The following NEK11 variants were observed in gnomAD, a reference collection of about 807,000 sequenced individuals.
The protein encoded by NEK11 is serine/threonine-protein kinase Nek11.
A neutral mutation model predicts 80.7 loss-of-function variants in NEK11; 72 were observed. That is an observed-to-expected ratio of 0.89 (90% CI 0.74 to 1.08). NEK11 has a LOEUF of 1.08. Among genes scored for constraint, NEK11 ranks in the 50% least tolerant of loss-of-function variants. The probability of loss-of-function intolerance (pLI) is 0.00; values close to 1 mark genes in which losing one functional copy is unlikely to be tolerated. For missense variants in NEK11, 764 were observed against 763.6 expected (o/e 1.00, Z -0.01); for synonymous variants, 251 against 260.7 (o/e 0.96, Z 0.36).
At chr3:131,056,393 T>C (rs1219567594) in intron 3 of NEK11, among the ~76,000 whole-genome samples, 1 of 152,148 alleles carries the variant, frequency 6.6e-6, no homozygotes, top group Non-Finnish European at 1.5e-5. Flanking sequence ...ATTTTATTCC[T>C]CTAGCAAGGG....
intron 7 of NEK11, among the ~76,000 whole-genome samples, chr3:131,152,020 T>TA (rs1375040507): frequency 6.6e-6 from 1 of 152,148 alleles, no homozygotes; most frequent in African/African-American, 2.4e-5. Flanking sequence ...CAAACTGCCT[T>TA]AGGAAGATAA....
At chr3:131,316,399 A>G (rs1357009784) in intron 17 of NEK11, among the ~76,000 whole-genome samples, 1 of 152,174 alleles carries the variant, frequency 6.6e-6, no homozygotes, top group African/African-American at 2.4e-5. Flanking sequence ...ACACAGTTTT[A>G]CTCACATTGA....
At chr3:131,160,634 C>A (rs529631900) in intron 10 of NEK11, among the ~76,000 whole-genome samples, 1 of 152,262 alleles carries the variant, frequency 6.6e-6, no homozygotes, top group East Asian at 1.9e-4. Flanking sequence ...GGCACAGTGT[C>A]GAGTTGGATA....
At chr3:131,296,525 T>G (rs1222436390) in intron 17 of NEK11, among the ~76,000 whole-genome samples, 1 of 152,210 alleles carries the variant, frequency 6.6e-6, no homozygotes, top group East Asian at 1.9e-4. Flanking sequence ...TTTGTTTGTC[T>G]GAGAAAGTCT....
At chr3:131,220,693 C>T (rs954898339) in intron 14 of NEK11, among the ~76,000 whole-genome samples, 2 of 152,190 alleles carry the variant, frequency 1.3e-5, no homozygotes, top group Non-Finnish European at 2.9e-5. Flanking sequence ...TCCCACCACC[C>T]ACCCTCTGTC....
chr3:131,136,584 C>T (rs1038895250), intron 7 of NEK11, among the ~76,000 whole-genome samples: 37 of 152,128 alleles, frequency 2.4e-4, no homozygotes, highest in Middle Eastern at 3.2e-3. Flanking sequence ...GTTATGTTTT[C>T]ATCTGTAATG....
intron 3 of NEK11, among the ~76,000 whole-genome samples, chr3:131,078,233 A>G (rs1186814565): frequency 6.6e-6 from 1 of 152,196 alleles, no homozygotes; most frequent in African/African-American, 2.4e-5. Context: ...CTCAAATTTC[A>G]GGGGAAGTGA....
At position 131,215,198 on chromosome 3, in the gene NEK11, T is replaced by C. The variant is rs549495328; in HGVS notation, c.1400-13330T>C. 3.4e-5 allele frequency among the ~76,000 whole-genome samples: 5 copies of C among 146,398 alleles called. No homozygotes were observed. In the Admixed American group the frequency reaches 3.6e-4, roughly 11 times the overall value. ...ACAAAAAACCAAACACCGCATGTTC[T>C]CACTCATAGGTGGGAATTGAACAAT... On this transcript the variant is annotated intron_variant, in intron 14 of 17. Coordinates refer to ENST00000383366, the MANE Select transcript of NEK11 (RefSeq NM_024800.5).
intron 14 of NEK11, among the ~76,000 whole-genome samples, chr3:131,224,597 A>C (rs1246029480): frequency 6.6e-6 from 1 of 152,130 alleles, no homozygotes; most frequent in East Asian, 1.9e-4. Flanking sequence ...ACTGTAAAAC[A>C]GCCTTGGGCA....
In NEK11 at chr3:131,228,415, T is replaced by C. The variant is rs2095256878; in HGVS notation, c.1400-113T>C. On this transcript the variant is annotated intron_variant, in intron 14 of 17. Coordinates refer to ENST00000383366, the MANE Select transcript of NEK11 (RefSeq NM_024800.5). The stretch of plus-strand genomic sequence containing the variant: ...AGCTGAGATTCAGCTCTACACTCCA[T>C]GGAAGCTTTGTCAACGCAAGCAAAA... 3 of 859,104 alleles carry C rather than the reference T, an allele frequency of 3.5e-6. No homozygotes were observed. The South Asian group carries it at 7.0e-5, about 20-fold the overall frequency. 53.2% of individuals were successfully genotyped at this position (859,104 alleles called of 1,614,324 possible). A position where few individuals can be genotyped will look rare whatever the true frequency, so the allele number is the denominator to read the frequency against.
chr3:131,128,937 C>T (rs1426070514), intron 5 of NEK11, among the ~76,000 whole-genome samples: 1 of 151,922 alleles, frequency 6.6e-6, no homozygotes, highest in African/African-American at 2.4e-5. Context: ...GGTTTATTTG[C>T]CTTTTGTATA....
At chr3:131,284,544 C>T (rs1395594352) in intron 17 of NEK11, among the ~76,000 whole-genome samples, 2 of 152,152 alleles carry the variant, frequency 1.3e-5, no homozygotes, top group African/African-American at 2.4e-5. Flanking sequence ...TTGAAGGATG[C>T]AAATCCAGTC....
chr3:131,221,407 A>G lies in NEK11; in HGVS notation c.1400-7121A>G, dbSNP rs543215889. On this transcript the variant is annotated intron_variant, in intron 14 of 17. Coordinates refer to ENST00000383366, the MANE Select transcript of NEK11 (RefSeq NM_024800.5). ...GTTTCTGATTCAGTAGGTTGGAGGT[A>G]TAGGCAAATTTGGAAATTTTTATTT... is the stretch of plus-strand genomic sequence containing the variant. 3.3e-5 allele frequency among the ~76,000 whole-genome samples: 5 copies of G among 152,318 alleles called. No individual in the cohort carries two copies. In the East Asian group the frequency reaches 9.6e-4, roughly 29 times the overall value.
At chr3:131,195,478 A>G (rs538329132) in intron 14 of NEK11, among the ~76,000 whole-genome samples, 8 of 152,192 alleles carry the variant, frequency 5.3e-5, no homozygotes, top group Non-Finnish European at 8.8e-5. Context: ...TGCCCTCACC[A>G]TGTACCTAGT....
intron 3 of NEK11, among the ~76,000 whole-genome samples, chr3:131,053,026 A>G (rs140813131): frequency 7.0e-4 from 107 of 152,196 alleles, no homozygotes; most frequent in Non-Finnish European, 9.7e-4. Context: ...CCCCCGGGAC[A>G]CTCTTATTAG....
chr3:131,125,548 A>G (rs2083174708), intron 5 of NEK11, among the ~76,000 whole-genome samples: 1 of 152,202 alleles, frequency 6.6e-6, no homozygotes. Context: ...GACAGTGGTT[A>G]GGTTTCCCTT....
chr3:131,348,166 C>A (rs1186458132), intron 17 of NEK11, among the ~76,000 whole-genome samples: 1 of 151,938 alleles, frequency 6.6e-6, no homozygotes, highest in South Asian at 2.1e-4. Context: ...CACATAATAG[C>A]CCAACTCCTA....
chr3:131,085,292 C>G (rs1446403709), intron 4 of NEK11, among the ~76,000 whole-genome samples: 2 of 152,250 alleles, frequency 1.3e-5, no homozygotes, highest in East Asian at 1.9e-4. Context: ...GCCTTATGAA[C>G]TTGAAGTTCA....
At chr3:131,233,348 T>C (rs979368832) in intron 15 of NEK11, among the ~76,000 whole-genome samples, 2 of 152,162 alleles carry the variant, frequency 1.3e-5, no homozygotes, top group African/African-American at 4.8e-5. Context: ...CCCGAAGGTG[T>C]TGTAGCCGAG....
Sources: gnomAD v4.1 joint callset for allele counts (sites outside exome capture counted in the v4.1 genomes callset) on GRCh38, gnomAD v4.1.1 for gene constraint, MANE v1.5 for transcripts, NCBI Gene and HGNC (gene_info 2026-07-23, HGNC 2026-07-21) for gene names.